HS3ST4: variants seen among roughly 807,000 people sequenced by gnomAD.
HS3ST4 encodes heparan sulfate glucosamine 3-O-sulfotransferase 4.
HS3ST4 carries 17 observed loss-of-function variants against 29.2 expected under a neutral mutation model. The ratio of observed to expected loss-of-function variants is 0.58; its 90% CI spans 0.40 to 0.87. HS3ST4 has a LOEUF of 0.87. Ranked by LOEUF, HS3ST4 falls within the 40% of genes least tolerant of loss-of-function variation. The pLI, the probability that HS3ST4 is intolerant of heterozygous loss-of-function variation, is 0.00. For missense variants in HS3ST4, 627 were observed against 634.5 expected (o/e 0.99, Z 0.13); for synonymous variants, 314 against 285.7 (o/e 1.10, Z -1.00).
intron 1 of HS3ST4, among the ~76,000 whole-genome samples, chr16:25,940,072 GGAGGTCA>G (rs1968558359): frequency 6.6e-6 from 1 of 152,162 alleles, no homozygotes; most frequent in Admixed American, 6.5e-5. Context: ...AGACCTCGGA[GGAGGTCA>G]GAGCTTTATT....
chr16:25,693,329 C>G (rs1477675481), intron 1 of HS3ST4, among the ~76,000 whole-genome samples, 178 bp downstream of exon 1: 1 of 152,118 alleles, frequency 6.6e-6, no homozygotes, highest in African/African-American at 2.4e-5. Context: ...GGCTGGACTC[C>G]AGCGAAAGGT....
At chr16:26,041,207 T>G (rs567281896) in intron 1 of HS3ST4, among the ~76,000 whole-genome samples, 1 of 152,272 alleles carries the variant, frequency 6.6e-6, no homozygotes, top group African/African-American at 2.4e-5. Flanking sequence ...CCAGGTGTGG[T>G]GGTGCATGCC....
chr16:26,113,523 A>T (rs899446171), intron 1 of HS3ST4, among the ~76,000 whole-genome samples: 4 of 150,784 alleles, frequency 2.7e-5, no homozygotes, highest in African/African-American at 9.8e-5. Flanking sequence ...CAAGAGGAAG[A>T]TAAACACAAA....
chr16:25,700,009 C>T (rs1161712504), intron 1 of HS3ST4, among the ~76,000 whole-genome samples: 1 of 152,088 alleles, frequency 6.6e-6, no homozygotes, highest in African/African-American at 2.4e-5. Context: ...CTTTATCCTG[C>T]CCATCAGTAC....
intron 1 of HS3ST4, among the ~76,000 whole-genome samples, chr16:26,129,936 G>A (rs1382967394): frequency 6.6e-6 from 1 of 152,160 alleles, no homozygotes; most frequent in African/African-American, 2.4e-5. Context: ...AGGCTGACCT[G>A]CATTCAAAAG....
At chr16:25,912,291 C>T (rs1968249159) in intron 1 of HS3ST4, among the ~76,000 whole-genome samples, 1 of 152,204 alleles carries the variant, frequency 6.6e-6, no homozygotes, top group African/African-American at 2.4e-5. Context: ...ATTCGTTATG[C>T]TCTCGCTACC....
At chr16:25,974,368 C>G (rs1391864602) in intron 1 of HS3ST4, among the ~76,000 whole-genome samples, 2 of 152,184 alleles carry the variant, frequency 1.3e-5, no homozygotes, top group Admixed American at 6.5e-5. Context: ...CATGGAGGTG[C>G]TAAGCCGCTT....
intron 1 of HS3ST4, among the ~76,000 whole-genome samples, chr16:25,893,181 G>T (rs1414763724): frequency 6.6e-6 from 1 of 152,172 alleles, no homozygotes; most frequent in Non-Finnish European, 1.5e-5. Flanking sequence ...TAAATAAAAG[G>T]AGACTAGGAT....
chr16:26,134,362 CT>C (rs60068546), intron 1 of HS3ST4, among the ~76,000 whole-genome samples: 214 of 76,746 alleles, frequency 2.8e-3, no homozygotes, highest in South Asian at 4.8e-3. Flanking sequence ...CTTTTCTTTT[CT>C]TTTTTTTTTT....
In HS3ST4 at chr16:25,819,168, G is replaced by A. The variant is rs529893841; in HGVS notation, c.734+126017G>A. Reference sequence around the variant, plus strand: ...CATGGTAGGGTGGATCCATTGCTGGGGGCCTCTGAGTCTGCGATCCTGTAA... The same window carrying A: ...CATGGTAGGGTGGATCCATTGCTGGAGGCCTCTGAGTCTGCGATCCTGTAA... On this transcript the variant is annotated intron_variant, in intron 1 of 1. Transcript: ENST00000331351. 3.9e-5 allele frequency among the ~76,000 whole-genome samples: 6 copies of A among 152,258 alleles called. 1 individual carries two copies. In the South Asian group the frequency reaches 1.2e-3, roughly 32 times the overall value.
chr16:25,781,462 C>G (rs183538417), intron 1 of HS3ST4, among the ~76,000 whole-genome samples: 1 of 152,116 alleles, frequency 6.6e-6, no homozygotes. Context: ...CTCTTTCTAC[C>G]GAGGTTTCGA....
At chr16:25,828,340 T>TCTCTCTC (rs1967257357) in intron 1 of HS3ST4, among the ~76,000 whole-genome samples, 13 of 64,064 alleles carry the variant, frequency 2.0e-4, no homozygotes, top group African/African-American at 4.2e-4. Context: ...CTCTCTCTCT[T>TCTCTCTC]TCTCCCTTTC....
chr16:25,910,766 A>G lies in HS3ST4; in HGVS notation c.734+217615A>G, dbSNP rs1968230612. On this transcript the variant is annotated intron_variant, in intron 1 of 1. Transcript: ENST00000331351. Reference sequence around the variant, plus strand: ...CACCTACAAAAACAGATGGCAGATCAGGTTTGGTCCACAGGTTGTCATTCT... The same window carrying G: ...CACCTACAAAAACAGATGGCAGATCGGGTTTGGTCCACAGGTTGTCATTCT... Among the ~76,000 whole-genome samples, 3 of 152,292 alleles carry G rather than the reference A, an allele frequency of 2.0e-5. No homozygotes were observed. In the South Asian group the frequency reaches 6.2e-4, roughly 32 times the overall value.
At chr16:25,890,632 C>G (rs190382553) in intron 1 of HS3ST4, among the ~76,000 whole-genome samples, 44 of 152,294 alleles carry the variant, frequency 2.9e-4, no homozygotes, top group Non-Finnish European at 4.9e-4. Flanking sequence ...AATCTATGAT[C>G]TATCTTATCT....
chr16:26,064,885 G>C (rs1233364686), intron 1 of HS3ST4, among the ~76,000 whole-genome samples: 1 of 152,086 alleles, frequency 6.6e-6, no homozygotes, highest in East Asian at 1.9e-4. Context: ...CCAAAGTGTT[G>C]GGATTACAGG....
intron 1 of HS3ST4, among the ~76,000 whole-genome samples, chr16:26,075,871 A>G (rs1424777564): frequency 6.6e-6 from 1 of 152,166 alleles, no homozygotes; most frequent in Non-Finnish European, 1.5e-5. Context: ...CAATACCTTA[A>G]ACTTAGTTAG....
Position 26,124,013 on chromosome 16 carries a change from C to T in HS3ST4, c.735-11599C>T, listed in dbSNP as rs533929743. On this transcript the variant is annotated intron_variant, in intron 1 of 1. Transcript: ENST00000331351. Reference sequence around the variant, plus strand: ...TCAGCTTACCGCAACTTGCGGCTCCCGGGTTCAAGCGATTCTCCTGCCTCA... The same window carrying T: ...TCAGCTTACCGCAACTTGCGGCTCCTGGGTTCAAGCGATTCTCCTGCCTCA... Among the ~76,000 whole-genome samples, 7 of 152,182 alleles carry T rather than the reference C, an allele frequency of 4.6e-5. No individual in the cohort carries two copies. The East Asian group carries it at 5.8e-4, about 13-fold the overall frequency.
At chr16:26,029,658 G>A (rs867884727) in intron 1 of HS3ST4, among the ~76,000 whole-genome samples, 5 of 152,120 alleles carry the variant, frequency 3.3e-5, no homozygotes, top group Non-Finnish European at 5.9e-5. Flanking sequence ...TGATCCACAC[G>A]CCTCGGCCTC....
In HS3ST4 at chr16:25,715,361, A is replaced by AGC. The variant is rs1335675789; in HGVS notation, c.734+22210_734+22211insGC. Among the ~76,000 whole-genome samples, 419 of 128,806 alleles carry AGC rather than the reference A, an allele frequency of 3.3e-3. 4 individuals carry two copies. The highest frequency in any genetic ancestry group is 0.011 in the African/African-American group (398 of 35,236). 84.5% of individuals were successfully genotyped at this position (128,806 alleles called of 152,430 possible). A position where few individuals can be genotyped will look rare whatever the true frequency, so the allele number is the denominator to read the frequency against. On this transcript the variant is annotated intron_variant, in intron 1 of 1. Coordinates refer to ENST00000331351, the MANE Select transcript of HS3ST4 (RefSeq NM_006040.3). ...AAAAAAAAAACCAAAAAAAAAAAAA[A>AGC]CTCAGCGCCTTTTGTGCCCCAGGCA...
Sources: gnomAD v4.1 joint callset for allele counts (sites outside exome capture counted in the v4.1 genomes callset) on GRCh38, gnomAD v4.1.1 for gene constraint, MANE v1.5 for transcripts, NCBI Gene and HGNC (gene_info 2026-07-23, HGNC 2026-07-21) for gene names.